The following LIN7A variants were observed in gnomAD, a reference collection of about 807,000 sequenced individuals.
The protein encoded by LIN7A is lin-7 cell polarity scaffold A, also known as protein lin-7 homolog A.
In LIN7A, 25 loss-of-function variants were observed where a neutral mutation model predicts 29.8. That is an observed-to-expected ratio of 0.84 (90% confidence interval 0.61 to 1.17). The LOEUF (loss-of-function observed/expected upper bound fraction) is 1.17, where lower values mean the gene tolerates loss of function less well. Ranked by LOEUF, LIN7A falls within the 50% of genes most tolerant of loss-of-function variation. The pLI is 0.00. For synonymous variants in LIN7A, 118 were observed against 107.5 expected, an observed-to-expected ratio of 1.10 and a Z score of -0.60; for missense variants, 239 against 287.0, an observed-to-expected ratio of 0.83 and a Z score of 1.21.
chr12:80,914,780 C>T (rs1876944696), intron 1 of LIN7A, among the ~76,000 whole-genome samples: 1 of 152,092 alleles, frequency 6.6e-6, no homozygotes, highest in African/African-American at 2.4e-5. Flanking sequence ...GTGGCTCATG[C>T]CTGTAATCTC....
intron 1 of LIN7A, among the ~76,000 whole-genome samples, chr12:80,899,783 T>TTTTTTTTTTTTTTTTG (rs1223097867): frequency 7.0e-6 from 1 of 141,970 alleles, no homozygotes; most frequent in Admixed American, 7.1e-5. Flanking sequence ...TTTTTTTTTT[T>TTTTTTTTTTTTTTTTG]TTTGAGATCG....
chr12:80,895,607 C>T (rs959701096), intron 1 of LIN7A, among the ~76,000 whole-genome samples: 2 of 152,192 alleles, frequency 1.3e-5, no homozygotes, highest in Admixed American at 6.5e-5. Flanking sequence ...AAAGAGAATG[C>T]ACTTCTTTTT....
At chr12:80,807,073 T>TGTTTTTTTTTTTTTG (rs1425570475) in intron 5 of LIN7A, among the ~76,000 whole-genome samples, 9 of 52,644 alleles carry the variant, frequency 1.7e-4, no homozygotes, top group African/African-American at 6.6e-4. Flanking sequence ...GTTTTTTTTT[T>TGTTTTTTTTTTTTTG]TTTTTTTTTT....
chr12:80,826,106 GGA>G (rs1872066932), intron 4 of LIN7A, among the ~76,000 whole-genome samples: 2 of 89,102 alleles, frequency 2.2e-5, no homozygotes, highest in Non-Finnish European at 6.5e-5. Context: ...CTTTCTTGCA[GGA>G]GAAGTCAAAA....
intron 2 of LIN7A, among the ~76,000 whole-genome samples, chr12:80,865,889 A>G (rs183365401): frequency 1.3e-5 from 2 of 152,316 alleles, no homozygotes; most frequent in East Asian, 1.9e-4. Flanking sequence ...TTTGTGGCCT[A>G]TGTCTCCCAT....
At chr12:80,860,039 C>T (rs1274192860) in intron 2 of LIN7A, among the ~76,000 whole-genome samples, 1 of 152,022 alleles carries the variant, frequency 6.6e-6, no homozygotes, top group Non-Finnish European at 1.5e-5. Context: ...TTAATCAATC[C>T]TCTGATGAGG....
intron 1 of LIN7A, among the ~76,000 whole-genome samples, chr12:80,928,918 A>G (rs1430380655): frequency 6.6e-6 from 1 of 152,180 alleles, no homozygotes; most frequent in South Asian, 2.1e-4. Flanking sequence ...TATTATTAAC[A>G]TGATTAATAT....
chr12:80,871,579 AT>A (rs1874429496), intron 2 of LIN7A, among the ~76,000 whole-genome samples: 1 of 152,064 alleles, frequency 6.6e-6, no homozygotes, highest in Admixed American at 6.5e-5. Flanking sequence ...TTCAATAAGC[AT>A]GTTTTTCTAA....
intron 1 of LIN7A, among the ~76,000 whole-genome samples, chr12:80,890,971 C>T (rs1875593449): frequency 6.6e-6 from 1 of 151,984 alleles, no homozygotes; most frequent in South Asian, 2.1e-4. Context: ...CATTTTTTTT[C>T]CCCCTAAAAC....
At chr12:80,907,406 A>C (rs185614768) in intron 1 of LIN7A, among the ~76,000 whole-genome samples, 1 of 152,178 alleles carries the variant, frequency 6.6e-6, no homozygotes, top group African/African-American at 2.4e-5. Flanking sequence ...TTTCATTGTC[A>C]TCCACTTACT....
chr12:80,908,188 A>G (rs1876581316), intron 1 of LIN7A, among the ~76,000 whole-genome samples: 1 of 152,106 alleles, frequency 6.6e-6, no homozygotes, highest in Non-Finnish European at 1.5e-5. Flanking sequence ...TTTTGTCTTA[A>G]ATATAGATTT....
intron 1 of LIN7A, among the ~76,000 whole-genome samples, chr12:80,896,421 G>A (rs1043861206): frequency 1.3e-5 from 2 of 152,094 alleles, no homozygotes; most frequent in African/African-American, 2.4e-5. Context: ...CTAATACAAC[G>A]ACAGTGCATG....
chr12:80,846,239 C>T (rs1408296041), intron 3 of LIN7A, among the ~76,000 whole-genome samples: 3 of 152,120 alleles, frequency 2.0e-5, no homozygotes, highest in Non-Finnish European at 4.4e-5. Context: ...TCTTCCTATT[C>T]CTGGAGTCCA....
At chr12:80,842,154 A>G in intron 4 of LIN7A, 1 of 1,277,394 alleles carries the variant, frequency 7.8e-7, no homozygotes, top group Non-Finnish European at 1.0e-6. Flanking sequence ...CAATTGTTCA[A>G]TTGCTGTATT....
intron 2 of LIN7A, among the ~76,000 whole-genome samples, chr12:80,860,616 G>C (rs1000563138): frequency 1.3e-5 from 2 of 152,148 alleles, no homozygotes; most frequent in African/African-American, 4.8e-5. Flanking sequence ...AGTAATGCTG[G>C]CAGGAATCAA....
At chr12:80,908,577 C>G (rs1467221118) in intron 1 of LIN7A, among the ~76,000 whole-genome samples, 2 of 151,940 alleles carry the variant, frequency 1.3e-5, no homozygotes, top group Non-Finnish European at 2.9e-5. Flanking sequence ...CTTACTGATG[C>G]AAGAAGAGCC....
Position 80,914,189 on chromosome 12 carries a change from C to T in LIN7A, c.82+23452G>A, listed in dbSNP as rs577517463. Among the ~76,000 whole-genome samples the T allele has an allele frequency of 6.6e-3, 1,012 of 152,248 alleles. 8 individuals carry two copies. Among genetic ancestry groups the T allele is most frequent in the African/African-American group, 0.023 (954 of 41,544 alleles). ...ATACAGATTACTATAATAATAGAGT[C>T]CAATATCCTCAAACTATTCCAAAGA... On this transcript the variant is annotated intron_variant, in intron 1 of 5. Transcript: ENST00000552864.
intron 4 of LIN7A, among the ~76,000 whole-genome samples, chr12:80,841,522 C>G (rs1872824001): frequency 6.6e-6 from 1 of 152,068 alleles, no homozygotes; most frequent in Non-Finnish European, 1.5e-5. Context: ...GTCCCCCTCC[C>G]TCAACTTGCT....
chr12:80,931,495 T>C (rs1877902016), intron 1 of LIN7A, among the ~76,000 whole-genome samples: 1 of 151,664 alleles, frequency 6.6e-6, no homozygotes, highest in Non-Finnish European at 1.5e-5. Flanking sequence ...TACAAAAACA[T>C]CAGCTGGGCC....
Sources: allele counts gnomAD v4.1 joint callset (sites outside exome capture counted in the v4.1 genomes callset), GRCh38; gene constraint gnomAD v4.1.1; transcripts MANE v1.5; gene names NCBI Gene and HGNC (gene_info 2026-07-23, HGNC 2026-07-21).